Variants in BBOF1 observed in about 807,000 individuals in gnomAD.
BBOF1 encodes the protein basal body orientation factor 1, also known as basal body-orientation factor 1.
Under a neutral mutation model 68.0 loss-of-function variants are expected in BBOF1, and 62 were observed. The ratio of observed to expected loss-of-function variants is 0.91; its 90% CI spans 0.74 to 1.13. BBOF1 has a LOEUF of 1.13. Ranked by LOEUF, BBOF1 falls within the 50% of genes most tolerant of loss-of-function variation. The pLI is 0.00. For missense variants in BBOF1, 534 were observed against 600.1 expected (o/e 0.89, Z 1.15); for synonymous variants, 208 against 198.8 (o/e 1.05, Z -0.39).
intron 9 of BBOF1, among the ~76,000 whole-genome samples, chr14:74,056,198 A>ATT (rs34594924): frequency 0.1 from 12,331 of 123,844 alleles, 786 homozygotes; most frequent in South Asian, 0.17. Context: ...CGCCCGGCTA[A>ATT]TTTTTTTTTT....
chr14:74,042,881 C>G (rs1024181418), intron 5 of BBOF1, among the ~76,000 whole-genome samples: 8 of 78,930 alleles, frequency 1.0e-4, no homozygotes, highest in South Asian at 7.1e-4. Context: ...CACACACAGA[C>G]ACACACACAC....
At chr14:74,044,362 C>A (rs532409535) in intron 5 of BBOF1, among the ~76,000 whole-genome samples, 11 of 152,060 alleles carry the variant, frequency 7.2e-5, no homozygotes, top group Admixed American at 5.2e-4. Context: ...TCTATTAATT[C>A]TTTTTATTTG....
chr14:74,073,850 G>A (rs1287460810), intron 9 of BBOF1, among the ~76,000 whole-genome samples: 1 of 150,784 alleles, frequency 6.6e-6, no homozygotes, highest in East Asian at 2.0e-4. Context: ...CCTGGGAGGT[G>A]GAGGTTGCAG....
intron 6 of BBOF1, 31 bp from the exon 7 acceptor site, chr14:74,047,899 C>T (rs527329806): frequency 1.3e-6 from 2 of 1,563,954 alleles, no homozygotes; most frequent in South Asian, 2.4e-5. Context: ...AAAAGTTAGA[C>T]CTGTGTTTTG....
chr14:74,023,133 A>G lies in BBOF1; in HGVS notation c.274A>G (p.Lys92Glu). ...LSYLKKQDQEKDNMIEKLKQQ... is the reference protein window; with the variant it reads ...LSYLKKQDQEEDNMIEKLKQQ... Reference sequence around the variant, plus strand: ...TTACCTGAAGAAGCAGGATCAGGAGAAAGATAATATGGTAGGTAGGTAGAA... The same window carrying G: ...TTACCTGAAGAAGCAGGATCAGGAGGAAGATAATATGGTAGGTAGGTAGAA... The change falls in exon 2 of 12, where the codon AAA (lysine) becomes GAA (glutamate). Residue 92 changes from lysine (K) to glutamate (E), a missense_variant. Physicochemically the swap from Lys to Glu is moderately conservative, Grantham distance 56. Coordinates refer to ENST00000394009, the MANE Select transcript of BBOF1 (RefSeq NM_025057.3). 3.2e-6 allele frequency: 5 copies of G among 1,576,574 alleles called. No individual in the cohort carries two copies. The highest frequency in any genetic ancestry group is 8.6e-7 in the Non-Finnish European group (1 of 1,159,424).
intron 2 of BBOF1, among the ~76,000 whole-genome samples, chr14:74,025,783 C>G (rs2059409604): frequency 6.6e-6 from 1 of 152,082 alleles, no homozygotes; most frequent in Non-Finnish European, 1.5e-5. Context: ...TAAAACAAAC[C>G]AGCATTCCTT....
chr14:74,074,615 T>C (rs12587903), intron 9 of BBOF1, among the ~76,000 whole-genome samples: 25,341 of 152,040 alleles, frequency 0.17, 2,609 homozygotes, highest in East Asian at 0.57. Flanking sequence ...TGGTACAGTG[T>C]GTGCATACTT....
chr14:74,076,371 T>C (rs2060612977), intron 9 of BBOF1, among the ~76,000 whole-genome samples: 1 of 152,146 alleles, frequency 6.6e-6, no homozygotes, highest in African/African-American at 2.4e-5. Context: ...TTATCAAAGT[T>C]GATTTTTTGA....
intron 7 of BBOF1, chr14:74,048,561 C>T (rs1206896501): frequency 2.0e-5 from 3 of 152,220 alleles, no homozygotes; most frequent in Non-Finnish European, 2.9e-5. Context: ...CACCTCACAG[C>T]CTGGGGGGCG....
intron 4 of BBOF1, among the ~76,000 whole-genome samples, chr14:74,040,028 C>T (rs554079288): frequency 9.7e-4 from 146 of 151,252 alleles, no homozygotes; most frequent in Non-Finnish European, 1.6e-3. Context: ...AGACTAGTCT[C>T]GCTCTGTTGC....
chr14:74,055,720 G>T, intron 9 of BBOF1, 35 bp downstream of exon 9: 1 of 1,495,722 alleles, frequency 6.7e-7, no homozygotes, highest in South Asian at 1.2e-5. Flanking sequence ...ATACCAAGTT[G>T]TTATCAAATC....
At chr14:74,059,404 A>G (rs1305984442) in intron 11 of BBOF1, 1 of 456,066 alleles carries the variant, frequency 2.2e-6, no homozygotes, top group Non-Finnish European at 4.4e-6. Context: ...TAAGAAAATT[A>G]TTTGCATCTG....
Position 74,023,112 on chromosome 14 carries a change from C to A in BBOF1, c.253C>A (p.Leu85Met), listed in dbSNP as rs182496407. 8,677 of 1,590,152 alleles carry A rather than the reference C, an allele frequency of 5.5e-3. 43 individuals carry two copies. Among genetic ancestry groups the A allele is most frequent in the Non-Finnish European group, 6.2e-3 (7,199 of 1,167,396 alleles). Residue 85 changes from leucine (L) to methionine (M), a missense_variant, in exon 2 of 12, where the codon CTG (leucine) becomes ATG (methionine). Physicochemically the swap from Leu to Met is conservative, Grantham distance 15. Transcript: ENST00000394009. The part of the protein sequence containing the change: ...EKDIMSVLSY[L>M]KKQDQEKDNM... ...AGACATAATGTCAGTATTAAGTTAC[C>A]TGAAGAAGCAGGATCAGGAGAAAGA... is the stretch of plus-strand genomic sequence containing the variant.
chr14:74,048,269 TTATAAA>T, intron 7 of BBOF1, 195 bp downstream of exon 7: 1 of 485,138 alleles, frequency 2.1e-6, no homozygotes. Context: ...TAGACTCAAC[TTATAAA>T]GAATATATCA....
At chr14:74,029,623 A>G (rs1712216592) in intron 3 of BBOF1, among the ~76,000 whole-genome samples, 1 of 151,830 alleles carries the variant, frequency 6.6e-6, no homozygotes, top group African/African-American at 2.4e-5. Flanking sequence ...CAGAAGTTGC[A>G]GTGAGCCAAG....
intron 10 of BBOF1, among the ~76,000 whole-genome samples, chr14:74,079,874 G>A (rs993529527): frequency 1.3e-5 from 2 of 151,868 alleles, no homozygotes; most frequent in Non-Finnish European, 1.5e-5. Flanking sequence ...TGACCTCTAC[G>A]GATAATTTTA....
chr14:74,071,603 G>C (rs2060549777), intron 9 of BBOF1: 6 of 1,597,932 alleles, frequency 3.8e-6, no homozygotes, highest in Non-Finnish European at 5.1e-6. Flanking sequence ...CCAATGAAGG[G>C]GTGCAGGGTA....
chr14:74,072,899 G>A (rs974459178), intron 9 of BBOF1, among the ~76,000 whole-genome samples: 6 of 151,480 alleles, frequency 4.0e-5, no homozygotes, highest in African/African-American at 1.5e-4. Context: ...TCCCGGGTTC[G>A]AGCAATTCTC....
chr14:74,019,362 C>T lies in BBOF1; in HGVS notation c.-117C>T. The stretch of plus-strand genomic sequence containing the variant: ...ACGGGCGCGTGCGCTCTCCGCGCGC[C>T]GTCAGCGGCGCGGGTGGGGCATTGC... On this transcript the variant is annotated 5_prime_UTR_variant, in exon 1 of 12. Transcript: ENST00000394009. 2 of 1,339,224 alleles carry T rather than the reference C, an allele frequency of 1.5e-6. No individual in the cohort carries two copies. Among genetic ancestry groups the T allele is most frequent in the South Asian group, 1.6e-5 (1 of 64,022 alleles). 83.0% of individuals were successfully genotyped at this position (1,339,224 alleles called of 1,614,324 possible). A position where few individuals can be genotyped will look rare whatever the true frequency, so the allele number is the denominator to read the frequency against.
Sources: gnomAD v4.1 joint callset for allele counts (sites outside exome capture counted in the v4.1 genomes callset) on GRCh38, gnomAD v4.1.1 for gene constraint, MANE v1.5 for transcripts, NCBI Gene and HGNC (gene_info 2026-07-23, HGNC 2026-07-21) for gene names.